The following ARHGAP17 variants were observed in gnomAD, a reference collection of about 807,000 sequenced individuals.
The protein encoded by ARHGAP17 is Rho GTPase activating protein 17.
A neutral mutation model predicts 99.5 loss-of-function variants in ARHGAP17; 57 were observed. The ratio of observed to expected loss-of-function variants is 0.57; its 90% CI spans 0.46 to 0.71. ARHGAP17 has a LOEUF of 0.71. ARHGAP17 is among the 30% of genes least tolerant of loss of function. The probability of loss-of-function intolerance (pLI) is 0.00; values close to 1 mark genes in which losing one functional copy is unlikely to be tolerated. For missense variants in ARHGAP17, 1,000 were observed against 1,122.4 expected (o/e 0.89, Z 1.56); for synonymous variants, 417 against 429.6 (o/e 0.97, Z 0.36).
intron 1 of ARHGAP17, among the ~76,000 whole-genome samples, chr16:24,995,449 G>A (rs1299208497): frequency 6.6e-6 from 1 of 152,210 alleles, no homozygotes; most frequent in Non-Finnish European, 1.5e-5. Context: ...GGAGAAGAGA[G>A]GGAAGAGAGA....
At chr16:24,945,754 ACT>A (rs985858165) in intron 14 of ARHGAP17, among the ~76,000 whole-genome samples, 3 of 151,674 alleles carry the variant, frequency 2.0e-5, no homozygotes. Flanking sequence ...GTGCCTTAAA[ACT>A]CTGCTGGATT....
intron 7 of ARHGAP17, among the ~76,000 whole-genome samples, chr16:24,963,447 T>C (rs563923119): frequency 1.3e-5 from 2 of 152,188 alleles, no homozygotes; most frequent in Admixed American, 6.5e-5. Flanking sequence ...GTCTTAATAT[T>C]AGCAGGAAAT....
chr16:24,944,977 G>A (rs539125525), intron 14 of ARHGAP17, among the ~76,000 whole-genome samples: 18 of 152,010 alleles, frequency 1.2e-4, no homozygotes, highest in Admixed American at 2.0e-4. Flanking sequence ...CATCATATAT[G>A]TGGACTAGTC....
At chr16:25,014,287 G>C (rs971758502) in intron 1 of ARHGAP17, among the ~76,000 whole-genome samples, 1 of 152,064 alleles carries the variant, frequency 6.6e-6, no homozygotes, top group Non-Finnish European at 1.5e-5. Flanking sequence ...ACACTAAATC[G>C]GTACAGTACA....
chr16:24,942,037 C>G lies in ARHGAP17; in HGVS notation c.1440G>C (p.Lys480Asn), dbSNP rs779185023. ...CCATCACCGCCATGCTAGCAGGCCG[C>G]TTCCTCTCCAGGGTCCCCGAGTCAG... is the stretch of plus-strand genomic sequence containing the variant. The part of the protein sequence containing the change: ...NDSDSGTLER[K>N]RPASMAVMEG... The change falls in exon 16 of 20, where the codon AAG becomes AAC. Residue 480 changes from lysine to asparagine, a missense_variant. By Grantham distance (94) the Lys-to-Asn change is moderately conservative (BLOSUM62 0). Around this residue, in one of 2 missense-constraint regions of ARHGAP17, gnomAD observed 472 missense variants for 611.1 expected, o/e 0.77. Transcript: ENST00000289968. The G allele has an allele frequency of 6.8e-6, 11 of 1,614,014 alleles. 1 individual carries two copies. The East Asian group carries it at 1.8e-4, about 26-fold the overall frequency.
intron 12 of ARHGAP17, 138 bp from the exon 13 acceptor site, chr16:24,949,622 AT>A: frequency 1.5e-6 from 1 of 680,636 alleles, no homozygotes. Context: ...AAATAAACAG[AT>A]TTAGAGTCAA....
At chr16:24,968,618 A>ACAC (rs1222392244) in intron 5 of ARHGAP17, 43 bp downstream of exon 5, 1 of 1,602,312 alleles carries the variant, frequency 6.2e-7, no homozygotes, top group Non-Finnish European at 8.6e-7. Flanking sequence ...TGTCCAGCCC[A>ACAC]CACCACTCTC....
Position 24,947,479 on chromosome 16 carries a change from T to C in ARHGAP17, c.1241+3A>G, listed in dbSNP as rs1440358681. 1 of 1,610,720 alleles carries C rather than the reference T, an allele frequency of 6.2e-7. No homozygotes were observed. Among genetic ancestry groups the C allele is most frequent in the South Asian group, 1.1e-5 (1 of 90,996 alleles). ...TCAAATGATACAGAGAAAGATGACT[T>C]ACCCTTCATTTCTGGCCCATAACAA... On this transcript the variant is annotated splice_donor_region_variant and intron_variant, in intron 14 of 19. Coordinates refer to ENST00000289968, the MANE Select transcript of ARHGAP17 (RefSeq NM_001006634.3).
chr16:24,950,696 G>C (rs1290542615), intron 12 of ARHGAP17, among the ~76,000 whole-genome samples: 1 of 151,972 alleles, frequency 6.6e-6, no homozygotes, highest in African/African-American at 2.4e-5. Context: ...AATTAGCCAG[G>C]CATGGTGGTG....
intron 13 of ARHGAP17, 26 bp from the exon 14 acceptor site, chr16:24,947,621 G>C (rs2051512162): frequency 1.9e-6 from 3 of 1,568,114 alleles, no homozygotes; most frequent in South Asian, 1.1e-5. Context: ...GAAGGGGAGG[G>C]TTTCTCCTCT....
At position 25,011,799 on chromosome 16, in the gene ARHGAP17, G is replaced by A. The variant is rs866682713; in HGVS notation, c.53+3410C>T. Among the ~76,000 whole-genome samples, 14 of 151,812 alleles carry A rather than the reference G, an allele frequency of 9.2e-5. No individual in the cohort carries two copies. In the South Asian group the frequency reaches 1.0e-3, roughly 11 times the overall value. On this transcript the variant is annotated intron_variant, in intron 1 of 19. Transcript: ENST00000289968. ...GTCACTTATGAGCCAATCAATTCCC[G>A]TCTTTGCTATGAACTGGGTTTTCTT...
intron 9 of ARHGAP17, among the ~76,000 whole-genome samples, chr16:24,958,994 G>A (rs1226226925): frequency 6.6e-6 from 1 of 150,796 alleles, no homozygotes; most frequent in African/African-American, 2.5e-5. Context: ...ACACAGCATC[G>A]AAAGCTTTAG....
chr16:24,997,607 C>A (rs956026906), intron 1 of ARHGAP17, among the ~76,000 whole-genome samples: 4 of 152,106 alleles, frequency 2.6e-5, no homozygotes, highest in African/African-American at 9.7e-5. Flanking sequence ...AGATGGAGGA[C>A]AGCCCACACT....
rs1427936232 is a variant in ARHGAP17 at position 24,919,622 on chromosome 16, G to A, written c.*508C>T. 1 of 152,948 alleles carries A rather than the reference G, an allele frequency of 6.5e-6. No individual in the cohort carries two copies. The highest frequency in any genetic ancestry group is 1.9e-4 in the East Asian group (1 of 5,202). 9.5% of individuals were successfully genotyped at this position (152,948 alleles called of 1,614,324 possible). A position where few individuals can be genotyped will look rare whatever the true frequency, so the allele number is the denominator to read the frequency against. ...GTTCTGAGGGGACTGGGGAGACACA[G>A]ACCATACATGATACAAAATGATTCT... On this transcript the variant is annotated 3_prime_UTR_variant, in exon 20 of 20. Transcript: ENST00000289968.
At chr16:24,966,837 T>C (rs527568697) in intron 6 of ARHGAP17, among the ~76,000 whole-genome samples, 2 of 152,294 alleles carry the variant, frequency 1.3e-5, no homozygotes, top group East Asian at 1.9e-4. Flanking sequence ...CTGCAATGTA[T>C]GCTCCTGAAG....
chr16:24,990,989 T>C (rs959167827), intron 1 of ARHGAP17, among the ~76,000 whole-genome samples: 2 of 152,116 alleles, frequency 1.3e-5, no homozygotes, highest in African/African-American at 4.8e-5. Flanking sequence ...CTGATGTGCA[T>C]GATTCACAAC....
chr16:24,926,226 T>C (rs2050840765), intron 19 of ARHGAP17, among the ~76,000 whole-genome samples: 2 of 152,130 alleles, frequency 1.3e-5, no homozygotes, highest in African/African-American at 4.8e-5. Context: ...GTTGATTTCT[T>C]ATTATTTCCA....
chr16:24,968,560 GA>G, intron 5 of ARHGAP17, 100 bp downstream of exon 5: 1 of 1,505,780 alleles, frequency 6.6e-7, no homozygotes. Context: ...TTTCCAAAAA[GA>G]AGTGTATGTT....
At chr16:24,959,293 T>C (rs2051910751) in intron 9 of ARHGAP17, among the ~76,000 whole-genome samples, 1 of 152,214 alleles carries the variant, frequency 6.6e-6, no homozygotes, top group Non-Finnish European at 1.5e-5. Flanking sequence ...TTCCCTAGAA[T>C]GGATGCTCTT....
Sources: gnomAD v4.1 joint callset for allele counts (sites outside exome capture counted in the v4.1 genomes callset) on GRCh38, gnomAD v4.1.1 for gene constraint, gnomAD v4.1.1 regional missense constraint, MANE v1.5 for transcripts, NCBI Gene and HGNC (gene_info 2026-07-23, HGNC 2026-07-21) for gene names.